Variants in RANBP3 observed in about 807,000 individuals in gnomAD.
RANBP3 encodes RAN binding protein 3.
In RANBP3, 14 loss-of-function variants were observed where a neutral mutation model predicts 77.3. The ratio of observed to expected loss-of-function variants is 0.18; its 90% CI spans 0.12 to 0.28. The LOEUF (loss-of-function observed/expected upper bound fraction) is 0.28. Ranked by LOEUF, RANBP3 falls within the 10% of genes least tolerant of loss-of-function variation. The pLI is 1.00. For synonymous variants in RANBP3, 315 were observed against 312.4 expected (o/e 1.01, Z -0.09); for missense variants, 586 against 752.3 (o/e 0.78, Z 2.59).
At chr19:5,939,972 C>T (rs1011150588) in intron 5 of RANBP3, among the ~76,000 whole-genome samples, 1 of 152,254 alleles carries the variant, frequency 6.6e-6, no homozygotes, top group African/African-American at 2.4e-5. Flanking sequence ...CCCTCCCCCA[C>T]CTAAGATCTT....
rs904812844 is a variant in RANBP3, at chr19:5,925,528, T to C, written c.917+106A>G. ...AGAGGGGCCTGAGAGCAACCTGGAT[T>C]CTGGGCCTGAGTCGGGCACGGGGAC... On this transcript the variant is annotated intron_variant, in intron 10 of 16. Coordinates refer to ENST00000340578, the MANE Select transcript of RANBP3 (RefSeq NM_007322.3). 4 of 963,076 alleles carry C rather than the reference T, an allele frequency of 4.2e-6. No individual in the cohort carries two copies. In the South Asian group the frequency reaches 5.3e-5, roughly 13 times the overall value. 59.7% of individuals were successfully genotyped at this position (963,076 alleles called of 1,614,324 possible).
At chr19:5,953,724 G>C (rs62107176) in intron 2 of RANBP3, among the ~76,000 whole-genome samples, 2 of 152,214 alleles carry the variant, frequency 1.3e-5, no homozygotes, top group Non-Finnish European at 1.5e-5. Flanking sequence ...AGAAAGAAAG[G>C]TTTCATTTTT....
At chr19:5,936,923 G>C (rs1256145258) in intron 5 of RANBP3, among the ~76,000 whole-genome samples, 1 of 151,730 alleles carries the variant, frequency 6.6e-6, no homozygotes, top group Admixed American at 6.6e-5. Flanking sequence ...CCCACGGGTG[G>C]TGAGTGCCTG....
chr19:5,951,337 T>C (rs376599884), intron 3 of RANBP3, 56 bp downstream of exon 3: 75 of 1,466,224 alleles, frequency 5.1e-5, no homozygotes, highest in East Asian at 3.5e-4. Flanking sequence ...GGAAAGTGGC[T>C]GGTCTGGGTT....
In RANBP3 at chr19:5,959,024, C is replaced by T. The variant is rs79029050; in HGVS notation, c.23-1051G>A. 0.039 allele frequency among the ~76,000 whole-genome samples: 6,001 copies of T among 152,272 alleles called. 264 individuals are homozygous for T. The highest frequency in any genetic ancestry group is 0.14 in the East Asian group (701 of 5,162). On this transcript the variant is annotated intron_variant, in intron 1 of 16. Transcript: ENST00000340578. This position sits in a 1 kb window ranked among gnomAD's most constrained non-coding sequence, Gnocchi z 5.1. The stretch of plus-strand genomic sequence containing the variant: ...AGGAAGCATGTGCTGCCCATGATCA[C>T]GACGAAGGCACTCTGCTTGGGCATT...
chr19:5,933,518 T>TGGGCTG lies in RANBP3; in HGVS notation c.407-45_407-40dup, dbSNP rs771403928. On this transcript the variant is annotated intron_variant, in intron 5 of 16. Coordinates refer to ENST00000340578, the MANE Select transcript of RANBP3 (RefSeq NM_007322.3). The stretch of plus-strand genomic sequence containing the variant: ...ACAAAATATCAACAGCAGGCCTGCC[T>TGGGCTG]GGGCTGGGGCTGGGCCTGGGGGGCA... The TGGGCTG allele has an allele frequency of 3.1e-6, 5 of 1,590,358 alleles. No individual in the cohort carries two copies. The South Asian group carries it at 4.4e-5, about 14-fold the overall frequency.
At position 5,951,408 on chromosome 19, in the gene RANBP3, C is replaced by A. The variant is rs199512652; in HGVS notation, c.267G>T (p.Pro89=). Reference sequence around the variant, plus strand: ...GTGGACTTACCCCTGCCAGTTCTCGCGGAAAAGGAGGAAGCTGGGCTTCAG... The same window carrying A: ...GTGGACTTACCCCTGCCAGTTCTCGAGGAAAAGGAGGAAGCTGGGCTTCAG... ...PAPEAQLPPF[P]RELAGRSAGG... The change falls in exon 3 of 17, where the codon CCG becomes CCT. Residue 89 remains proline (P), a synonymous_variant. Transcript: ENST00000340578. 22 of 1,561,956 alleles carry A rather than the reference C, an allele frequency of 1.4e-5. No homozygotes were observed. Among genetic ancestry groups the A allele is most frequent in the African/African-American group, 8.1e-5 (6 of 73,684 alleles).
intron 1 of RANBP3, among the ~76,000 whole-genome samples, chr19:5,971,424 A>G (rs372888155): frequency 3.0e-4 from 45 of 152,076 alleles, no homozygotes; most frequent in African/African-American, 8.9e-4. Flanking sequence ...TCAGCCTCCC[A>G]AGTAGCTGGG....
At chr19:5,930,149 C>T (rs539919306) in intron 8 of RANBP3, among the ~76,000 whole-genome samples, 1 of 152,366 alleles carries the variant, frequency 6.6e-6, no homozygotes, top group South Asian at 2.1e-4. Context: ...ACTTCTAAGT[C>T]CTTCTCCAAC....
At chr19:5,941,550 G>A (rs2058137080) in intron 5 of RANBP3, 71 bp downstream of exon 5, 1 of 1,323,384 alleles carries the variant, frequency 7.6e-7, no homozygotes, top group Non-Finnish European at 1.1e-6. Context: ...AGACGGATGC[G>A]CGGCACTGAG....
intron 2 of RANBP3, among the ~76,000 whole-genome samples, chr19:5,955,011 T>A (rs973668627): frequency 5.3e-5 from 8 of 152,214 alleles, no homozygotes; most frequent in African/African-American, 1.9e-4. Flanking sequence ...GAAGTGCGAG[T>A]GACAGAAGTG....
intron 3 of RANBP3, among the ~76,000 whole-genome samples, chr19:5,947,591 A>G (rs2058222650): frequency 6.6e-6 from 1 of 152,196 alleles, no homozygotes; most frequent in Admixed American, 6.5e-5. Context: ...GAGAAAGAAG[A>G]CCAGAGGGCC....
chr19:5,962,974 G>A (rs941993479), intron 1 of RANBP3, among the ~76,000 whole-genome samples: 15 of 152,146 alleles, frequency 9.9e-5, no homozygotes, highest in African/African-American at 3.4e-4. Context: ...ATGGACAGGC[G>A]GCCAGAAGTA....
At chr19:5,920,087 TG>T (rs1317207697) in intron 14 of RANBP3, among the ~76,000 whole-genome samples, 2 of 152,046 alleles carry the variant, frequency 1.3e-5, no homozygotes, top group Non-Finnish European at 2.9e-5. Flanking sequence ...GAAGACACTT[TG>T]ATTTGGGAAG....
At chr19:5,951,345 G>C in intron 3 of RANBP3, 48 bp downstream of exon 3, 1 of 1,506,986 alleles carries the variant, frequency 6.6e-7, no homozygotes, top group Non-Finnish European at 9.0e-7. Context: ...GCTGGTCTGG[G>C]TTGGGCTCCC....
chr19:5,937,354 T>C (rs377579976), intron 5 of RANBP3, among the ~76,000 whole-genome samples: 6 of 152,216 alleles, frequency 3.9e-5, no homozygotes, highest in East Asian at 1.9e-4. Flanking sequence ...TCATCCAAGA[T>C]GCCACACCTG....
intron 2 of RANBP3, among the ~76,000 whole-genome samples, chr19:5,953,871 A>C (rs532547858): frequency 6.6e-6 from 1 of 152,266 alleles, no homozygotes; most frequent in African/African-American, 2.4e-5. Flanking sequence ...AGGCCCTAGG[A>C]CTACAATTAA....
chr19:5,974,531 CT>C (rs2058566651), intron 1 of RANBP3: 1 of 152,196 alleles, frequency 6.6e-6, no homozygotes, highest in African/African-American at 2.4e-5. Flanking sequence ...TGCACACACA[CT>C]GTCTGAGAGG....
chr19:5,964,319 C>T (rs747722909), intron 1 of RANBP3, among the ~76,000 whole-genome samples: 3 of 152,202 alleles, frequency 2.0e-5, no homozygotes, highest in African/African-American at 7.2e-5. Flanking sequence ...CCTGCCCCCC[C>T]ACCTCCACCC....
Sources: gnomAD v4.1 joint callset for allele counts (sites outside exome capture counted in the v4.1 genomes callset) on GRCh38, gnomAD v4.1.1 for gene constraint, Gnocchi (gnomAD v3.1) non-coding constraint, MANE v1.5 for transcripts, NCBI Gene and HGNC (gene_info 2026-07-23, HGNC 2026-07-21) for gene names.